The following EIF3H variants were observed in gnomAD, a reference collection of about 807,000 sequenced individuals.
The protein encoded by EIF3H is eIF-3-gamma.
Under a neutral mutation model 44.2 loss-of-function variants are expected in EIF3H, and 26 were observed. That is an observed-to-expected ratio of 0.59 (90% CI 0.43 to 0.82). The LOEUF (loss-of-function observed/expected upper bound fraction) is 0.82, where lower values mean the gene tolerates loss of function less well. EIF3H is among the 40% of genes least tolerant of loss of function. EIF3H has a pLI of 0.00. For missense variants in EIF3H, 359 were observed against 432.8 expected, an observed-to-expected ratio of 0.83 and a Z score of 1.51; for synonymous variants, 166 against 151.9, an observed-to-expected ratio of 1.09 and a Z score of -0.68.
intron 2 of EIF3H, among the ~76,000 whole-genome samples, chr8:116,708,841 TAAAG>T (rs1443618778): frequency 2.6e-5 from 4 of 152,034 alleles, no homozygotes; most frequent in Non-Finnish European, 5.9e-5. Flanking sequence ...AGCAAAAAAC[TAAAG>T]AAAAGCAAGG....
chr8:116,741,137 T>C (rs1358512842), intron 1 of EIF3H, among the ~76,000 whole-genome samples: 2 of 152,154 alleles, frequency 1.3e-5, no homozygotes, highest in African/African-American at 4.8e-5. Flanking sequence ...TTTCACCTAT[T>C]CTCATTCATT....
intron 1 of EIF3H, among the ~76,000 whole-genome samples, chr8:116,744,550 A>C (rs944132536): frequency 1.3e-5 from 2 of 152,196 alleles, no homozygotes; most frequent in East Asian, 3.8e-4. Context: ...GTTTGTCATC[A>C]AACAGCTAAG....
At chr8:116,698,734 C>T (rs898873879) in intron 2 of EIF3H, among the ~76,000 whole-genome samples, 1 of 152,210 alleles carries the variant, frequency 6.6e-6, no homozygotes, top group Non-Finnish European at 1.5e-5. Flanking sequence ...TCTCTTTCTG[C>T]AACTTAATGT....
intron 2 of EIF3H, among the ~76,000 whole-genome samples, chr8:116,699,698 A>G (rs1186774010): frequency 6.6e-6 from 1 of 152,212 alleles, no homozygotes; most frequent in Non-Finnish European, 1.5e-5. Context: ...GAATCTAGAA[A>G]TTGAAATTAT....
chr8:116,749,858 G>C (rs1815297563), intron 1 of EIF3H, among the ~76,000 whole-genome samples: 1 of 152,280 alleles, frequency 6.6e-6, no homozygotes, highest in Admixed American at 6.5e-5. Flanking sequence ...CCCTGTGGAG[G>C]GACTGCTACA....
upstream of EIF3H, among the ~76,000 whole-genome samples, chr8:116,756,648 G>A (rs561857911): frequency 2.6e-5 from 4 of 152,138 alleles, no homozygotes; most frequent in South Asian, 4.1e-4. Context: ...ATCAATAAAC[G>A]GCATATCCTG....
At chr8:116,724,033 A>C (rs567524015) in intron 2 of EIF3H, among the ~76,000 whole-genome samples, 46 of 152,310 alleles carry the variant, frequency 3.0e-4, no homozygotes, top group African/African-American at 9.9e-4. Flanking sequence ...AGATGAACAA[A>C]ATTTCTGACT....
chr8:116,664,367 T>C (rs915590403), intron 2 of EIF3H, among the ~76,000 whole-genome samples: 1 of 152,224 alleles, frequency 6.6e-6, no homozygotes, highest in Admixed American at 6.5e-5. Context: ...TACATTTAAA[T>C]GTTATATATA....
rs1191806097 is a variant in EIF3H at position 116,726,088 on chromosome 8, CT to C, written c.216del (p.Glu73LysfsTer31). 1 of 1,614,006 alleles carries C rather than the reference CT, an allele frequency of 6.2e-7. No individual in the cohort carries two copies. The highest frequency in any genetic ancestry group is 8.5e-7 in the Non-Finnish European group (1 of 1,179,988). The part of the protein sequence containing the change: ...VVQGVLLGLV[V>X]EDRLEITNCF... ...CAGTTGGTAATTTCAAGCCGATCTT[CT>C]ACAACCAGACCCAAAAGCACTCCTT... On this transcript the variant is annotated frameshift_variant, in exon 2 of 8. Coordinates refer to ENST00000521861, the MANE Select transcript of EIF3H (RefSeq NM_003756.3). LOFTEE classifies it high-confidence loss of function.
intron 2 of EIF3H, among the ~76,000 whole-genome samples, chr8:116,717,468 C>A (rs1330850643): frequency 6.6e-6 from 1 of 151,992 alleles, no homozygotes; most frequent in African/African-American, 2.4e-5. Flanking sequence ...AAATAACAAA[C>A]CTGGAGGAAT....
intron 1 of EIF3H, chr8:116,737,144 T>C (rs1026355910): frequency 8.7e-6 from 3 of 342,972 alleles, no homozygotes; most frequent in African/African-American, 6.6e-5. Context: ...CCCAATATTC[T>C]ATATCAAAAA....
Position 116,644,980 on chromosome 8 carries a change from ACTT to A in EIF3H, c.*23_*25del. ...GGTGTGACTTCAAGAGTTCATGTTA[ACTT>A]CTTTTCTGGAAACTTCCTTTTCTTA... On this transcript the variant is annotated 3_prime_UTR_variant, in exon 8 of 8. Transcript: ENST00000521861. 6.4e-7 allele frequency: 1 copy of A among 1,573,388 alleles called. No individual in the cohort carries two copies. The highest frequency in any genetic ancestry group is 8.7e-7 in the Non-Finnish European group (1 of 1,144,018).
In EIF3H at chr8:116,646,477, T is replaced by A; in HGVS notation, c.955A>T (p.Ile319Phe). ...TTGCACTGGGCAACAATACCTGCAATGAGCAGCGAGTCCATCCTGGCAGGC... is the reference window on the plus strand; with the variant it reads ...TTGCACTGGGCAACAATACCTGCAAAGAGCAGCGAGTCCATCCTGGCAGGC... ...QPPARMDSLL[I>F]AGQINTYCQN... Residue 319 changes from isoleucine to phenylalanine, a missense_variant, in exon 7 of 8, where the codon ATT becomes TTT. Around this residue, in one of 5 missense-constraint regions of EIF3H, gnomAD observed 94 missense variants for 96.0 expected, o/e 0.98. Transcript: ENST00000521861. The A allele has an allele frequency of 6.2e-7, 1 of 1,614,192 alleles. No individual in the cohort carries two copies. The highest frequency in any genetic ancestry group is 8.5e-7 in the Non-Finnish European group (1 of 1,180,026).
intron 2 of EIF3H, among the ~76,000 whole-genome samples, chr8:116,722,596 ATTTT>A (rs375137197): frequency 1.7e-3 from 255 of 152,208 alleles, no homozygotes; most frequent in Admixed American, 3.2e-3. Flanking sequence ...GTAGTATTAT[ATTTT>A]TTTAAATTTC....
chr8:116,747,792 C>T (rs1040374622), intron 1 of EIF3H, among the ~76,000 whole-genome samples: 2 of 152,076 alleles, frequency 1.3e-5, no homozygotes, highest in African/African-American at 2.4e-5. Context: ...ATTACAAATT[C>T]GAAGTATTTG....
intron 1 of EIF3H, among the ~76,000 whole-genome samples, chr8:116,728,136 A>C (rs529560253): frequency 6.6e-6 from 1 of 152,234 alleles, no homozygotes; most frequent in Non-Finnish European, 1.5e-5. Flanking sequence ...CACGACCAAT[A>C]AACCAATTAT....
intron 2 of EIF3H, among the ~76,000 whole-genome samples, chr8:116,709,613 A>C (rs1217065085): frequency 6.6e-6 from 1 of 152,172 alleles, no homozygotes; most frequent in Non-Finnish European, 1.5e-5. Context: ...CAACTTCATC[A>C]CTCATGTATA....
chr8:116,656,767 A>C (rs768781380), intron 4 of EIF3H, among the ~76,000 whole-genome samples: 1 of 152,206 alleles, frequency 6.6e-6, no homozygotes, highest in Non-Finnish European at 1.5e-5. Context: ...TTCTCTGCAT[A>C]ACTGTCACCC....
chr8:116,719,693 ATATGGG>A (rs1303474171), intron 2 of EIF3H, among the ~76,000 whole-genome samples: 11 of 152,226 alleles, frequency 7.2e-5, no homozygotes, highest in Non-Finnish European at 2.9e-5. Context: ...AAAAAAGAAT[ATATGGG>A]TTAGGTGAAA....
Sources: allele counts gnomAD v4.1 joint callset (sites outside exome capture counted in the v4.1 genomes callset), GRCh38; gene constraint gnomAD v4.1.1; regional missense constraint gnomAD v4.1.1; transcripts MANE v1.5; gene names NCBI Gene and HGNC (gene_info 2026-07-23, HGNC 2026-07-21).